ADD3: variants seen among roughly 807,000 people sequenced by gnomAD.
ADD3 encodes the protein gamma-adducin.
ADD3 carries 25 observed loss-of-function variants against 80.2 expected under a neutral mutation model. The observed-to-expected ratio is 0.31, with a 90% CI of 0.23 to 0.44. ADD3 has a LOEUF of 0.44. Among genes scored for constraint, ADD3 ranks in the 20% least tolerant of loss-of-function variants. The pLI, the probability that ADD3 is intolerant of heterozygous loss-of-function variation, is 1.00. For synonymous variants in ADD3, 284 were observed against 289.6 expected, an observed-to-expected ratio of 0.98 and a Z score of 0.20; for missense variants, 829 against 847.5, an observed-to-expected ratio of 0.98 and a Z score of 0.27.
intron 1 of ADD3, among the ~76,000 whole-genome samples, chr10:110,062,732 T>C (rs776676112): frequency 3.3e-5 from 5 of 152,244 alleles, no homozygotes; most frequent in Non-Finnish European, 7.3e-5. Flanking sequence ...GCCTTTGCTC[T>C]TCAATAACGT....
At chr10:110,023,165 G>A (rs1853880782) in intron 1 of ADD3, among the ~76,000 whole-genome samples, 1 of 152,292 alleles carries the variant, frequency 6.6e-6, no homozygotes, top group African/African-American at 2.4e-5. Flanking sequence ...ATTTGAAAGA[G>A]AATGGTATTT....
At position 110,025,107 on chromosome 10, in the gene ADD3, G is replaced by A. The variant is rs541425070; in HGVS notation, c.-30+16808G>A. Among the ~76,000 whole-genome samples the A allele has an allele frequency of 3.2e-4, 48 of 151,990 alleles. No homozygotes were observed. In the South Asian group the frequency reaches 9.6e-3, roughly 30 times the overall value. The stretch of plus-strand genomic sequence containing the variant: ...GTCGGGGTTTTGCCATGTTGGCCAG[G>A]CTGCTCTTAAACTCCTGGCCTCAAG... On this transcript the variant is annotated intron_variant, in intron 1 of 14. Coordinates refer to ENST00000356080, the MANE Select transcript of ADD3 (RefSeq NM_016824.5).
In ADD3 at chr10:110,132,318, A is replaced by C. The variant is rs1853127548; in HGVS notation, c.1746A>C (p.Glu582Asp). The C allele has an allele frequency of 1.2e-6, 2 of 1,612,894 alleles. No individual in the cohort carries two copies. The highest frequency in any genetic ancestry group is 1.7e-6 in the Non-Finnish European group (2 of 1,179,286). Residue 582 changes from glutamate (E) to aspartate (D), a missense_variant, in exon 14 of 15, where the codon GAA (glutamate) becomes GAC (aspartate). Transcript: ENST00000356080. ...CTTATCCAACAGATGCTGAGCAGGA[A>C]TTACTCTCAGATGACGCTTCATCTG... ...KQQGLEDAEQ[E>D]LLSDDASSVS...
chr10:110,091,821 G>A (rs1297188079), intron 1 of ADD3, among the ~76,000 whole-genome samples: 1 of 152,200 alleles, frequency 6.6e-6, no homozygotes, highest in Non-Finnish European at 1.5e-5. Flanking sequence ...CCTGCAGAAT[G>A]GTAGAAAATA....
At chr10:110,064,824 A>G (rs1843703447) in intron 1 of ADD3, among the ~76,000 whole-genome samples, 1 of 152,084 alleles carries the variant, frequency 6.6e-6, no homozygotes, top group East Asian at 1.9e-4. Flanking sequence ...TGTTATTGCT[A>G]TTTTTTTATA....
intron 1 of ADD3, among the ~76,000 whole-genome samples, chr10:110,048,714 G>A (rs1013780187): frequency 1.3e-5 from 2 of 152,182 alleles, no homozygotes; most frequent in African/African-American, 4.8e-5. Flanking sequence ...AAATAACAAA[G>A]CATTCAAGAG....
chr10:110,029,411 A>T (rs982511782), intron 1 of ADD3, among the ~76,000 whole-genome samples: 7 of 152,218 alleles, frequency 4.6e-5, no homozygotes, highest in African/African-American at 1.7e-4. Flanking sequence ...CGGCATTAAC[A>T]TTAATTTGTA....
intron 1 of ADD3, among the ~76,000 whole-genome samples, chr10:110,017,398 T>C (rs1040403738): frequency 6.6e-6 from 1 of 152,320 alleles, no homozygotes; most frequent in Admixed American, 6.5e-5. Flanking sequence ...TTCTATTTGA[T>C]TTTGTCTATG....
chr10:110,003,190 G>C (rs1398361262), upstream of ADD3, among the ~76,000 whole-genome samples: 1 of 152,110 alleles, frequency 6.6e-6, no homozygotes, highest in East Asian at 1.9e-4. Flanking sequence ...GGGTGGGATA[G>C]GGAGAGGATT....
chr10:110,094,212 C>A (rs779360699), intron 1 of ADD3, among the ~76,000 whole-genome samples: 57 of 152,088 alleles, frequency 3.7e-4, no homozygotes, highest in Non-Finnish European at 7.7e-4. Flanking sequence ...ATAAACATGG[C>A]GTGATGGGTC....
At chr10:110,053,940 G>A (rs1252134949) in intron 1 of ADD3, among the ~76,000 whole-genome samples, 1 of 152,152 alleles carries the variant, frequency 6.6e-6, no homozygotes, top group Non-Finnish European at 1.5e-5. Context: ...AACAGAATTG[G>A]TAATGACAAG....
chr10:110,054,058 T>C (rs534480561), intron 1 of ADD3, among the ~76,000 whole-genome samples: 1 of 152,320 alleles, frequency 6.6e-6, no homozygotes, highest in South Asian at 2.1e-4. Context: ...AAATGTCCAC[T>C]ATAAATGTTT....
intron 1 of ADD3, among the ~76,000 whole-genome samples, chr10:110,060,296 G>T (rs1858725679): frequency 2.0e-5 from 3 of 152,120 alleles, no homozygotes; most frequent in Admixed American, 2.0e-4. Context: ...TAAGAAGTTG[G>T]GTATATGCCC....
chr10:110,120,829 C>G (rs1187757551), intron 8 of ADD3, among the ~76,000 whole-genome samples: 5 of 152,060 alleles, frequency 3.3e-5, no homozygotes, highest in African/African-American at 1.2e-4. Flanking sequence ...AGAACGGAGC[C>G]CTCAGAAATA....
At chr10:110,041,878 T>A (rs1293041688) in intron 1 of ADD3, among the ~76,000 whole-genome samples, 1 of 152,208 alleles carries the variant, frequency 6.6e-6, no homozygotes, top group African/African-American at 2.4e-5. Context: ...TCTTTTGGGA[T>A]CACAGACCCC....
At chr10:110,035,195 G>A (rs540084195) in intron 1 of ADD3, among the ~76,000 whole-genome samples, 28 of 152,250 alleles carry the variant, frequency 1.8e-4, no homozygotes, top group African/African-American at 6.3e-4. Flanking sequence ...TAAACGTTTT[G>A]TCCTTAGGGT....
At chr10:110,111,336 A>G (rs1202859722) in intron 2 of ADD3, among the ~76,000 whole-genome samples, 5 of 152,192 alleles carry the variant, frequency 3.3e-5, no homozygotes, top group African/African-American at 1.2e-4. Flanking sequence ...TCATCTTTAA[A>G]ACGAAGGAGA....
chr10:110,027,261 G>C (rs957569242), intron 1 of ADD3, among the ~76,000 whole-genome samples: 1 of 152,142 alleles, frequency 6.6e-6, no homozygotes, highest in Admixed American at 6.5e-5. Context: ...ATCAAGAGTT[G>C]TAATCATAAG....
In ADD3 at chr10:110,134,852, C is replaced by G. The variant is rs1194790403; in HGVS notation, c.*1234C>G. On this transcript the variant is annotated 3_prime_UTR_variant, in exon 15 of 15. Transcript: ENST00000356080. The stretch of plus-strand genomic sequence containing the variant: ...TTTAGAGGGCAGCACTAGAAGAAAT[C>G]AGCAGGTCTAATCCCACCAGTAAGA... 1 of 152,586 alleles carries G rather than the reference C, an allele frequency of 6.6e-6. No individual in the cohort carries two copies. The highest frequency in any genetic ancestry group is 1.5e-5 in the Non-Finnish European group (1 of 68,026). 9.5% of individuals were successfully genotyped at this position (152,586 alleles called of 1,614,324 possible).
Sources: gnomAD v4.1 joint callset for allele counts (sites outside exome capture counted in the v4.1 genomes callset) on GRCh38, gnomAD v4.1.1 for gene constraint, MANE v1.5 for transcripts, NCBI Gene and HGNC (gene_info 2026-07-23, HGNC 2026-07-21) for gene names.